Variants in ADK observed in about 807,000 individuals in gnomAD.
ADK encodes adenosine kinase, also known as N6,N6-dimethyladenosine kinase.
A neutral mutation model predicts 44.7 loss-of-function variants in ADK; 24 were observed. The observed-to-expected ratio is 0.54, with a 90% CI of 0.39 to 0.76. ADK has a LOEUF of 0.76. ADK is among the 30% of genes least tolerant of loss of function. The probability of loss-of-function intolerance (pLI) is 0.00; values close to 1 mark genes in which losing one functional copy is unlikely to be tolerated. For synonymous variants in ADK, 128 were observed against 142.6 expected, an observed-to-expected ratio of 0.90 and a Z score of 0.73; for missense variants, 321 against 425.1, an observed-to-expected ratio of 0.76 and a Z score of 2.15.
chr10:74,190,740 C>G (rs1035590404), intron 1 of ADK, among the ~76,000 whole-genome samples: 1 of 152,122 alleles, frequency 6.6e-6, no homozygotes, highest in Non-Finnish European at 1.5e-5. Flanking sequence ...TTTGAAGGAA[C>G]TCTAGCCCTG....
intron 3 of ADK, among the ~76,000 whole-genome samples, chr10:74,292,077 T>C (rs1455387979): frequency 2.0e-5 from 3 of 152,152 alleles, no homozygotes; most frequent in Non-Finnish European, 4.4e-5. Flanking sequence ...TTCTCAAATG[T>C]ATTTATTTAA....
At chr10:74,525,618 A>G (rs1207531408) in intron 7 of ADK, among the ~76,000 whole-genome samples, 192 bp downstream of exon 7, 1 of 152,038 alleles carries the variant, frequency 6.6e-6, no homozygotes, top group African/African-American at 2.4e-5. Flanking sequence ...AGTATATACT[A>G]ACTTCTTTCT....
At position 74,600,264 on chromosome 10, in the gene ADK, T is replaced by C. The variant is rs11001078; in HGVS notation, c.763-115T>C. ...GGTTAAAGAAATTTTTAATGTCTCT[T>C]AATAGATATGCAGGTCTCTTATTTT... On this transcript the variant is annotated intron_variant, in intron 8 of 10. Transcript: ENST00000539909. The C allele has an allele frequency of 0.049, 32,974 of 677,282 alleles. 1,108 individuals are homozygous for C. The highest frequency in any genetic ancestry group is 0.066 in the Non-Finnish European group (25,268 of 380,004). The allele number at this position is 677,282 out of a possible 1,614,324, so 42.0% of individuals were successfully genotyped here.
chr10:74,337,411 T>C (rs1841444077), intron 4 of ADK, among the ~76,000 whole-genome samples: 1 of 152,146 alleles, frequency 6.6e-6, no homozygotes, highest in Non-Finnish European at 1.5e-5. Flanking sequence ...CATTCAGCCA[T>C]TCAGAGGAAA....
intron 10 of ADK, among the ~76,000 whole-genome samples, chr10:74,699,888 A>G (rs1856353692): frequency 6.6e-6 from 1 of 152,160 alleles, no homozygotes; most frequent in South Asian, 2.1e-4. Flanking sequence ...ACAGTGTACT[A>G]TATTGGTGAA....
chr10:74,238,179 A>G (rs1845047418), intron 3 of ADK, among the ~76,000 whole-genome samples: 1 of 152,312 alleles, frequency 6.6e-6, no homozygotes, highest in South Asian at 2.1e-4. Context: ...CTTCTTTTTT[A>G]AGAGCAAGAA....
chr10:74,181,434 C>A (rs1365751228), intron 1 of ADK, among the ~76,000 whole-genome samples: 1 of 152,054 alleles, frequency 6.6e-6, no homozygotes, highest in Non-Finnish European at 1.5e-5. Flanking sequence ...CAACTTATAT[C>A]CTTTGTTATG....
intron 10 of ADK, among the ~76,000 whole-genome samples, chr10:74,692,651 A>G (rs1480020732): frequency 6.6e-6 from 1 of 152,202 alleles, no homozygotes; most frequent in Admixed American, 6.6e-5. Flanking sequence ...GACAGACCAC[A>G]TATATGGCAG....
chr10:74,305,541 T>G (rs947828394), intron 3 of ADK, among the ~76,000 whole-genome samples: 6 of 152,148 alleles, frequency 3.9e-5, no homozygotes, highest in Non-Finnish European at 8.8e-5. Context: ...CATCCCTGTT[T>G]GCTGGCACCT....
At chr10:74,308,324 A>G (rs1170088346) in intron 3 of ADK, among the ~76,000 whole-genome samples, 1 of 152,202 alleles carries the variant, frequency 6.6e-6, no homozygotes, top group African/African-American at 2.4e-5. Context: ...TTAAATTACA[A>G]TCCTTATGAA....
intron 9 of ADK, among the ~76,000 whole-genome samples, chr10:74,664,802 A>G (rs1854887134): frequency 6.6e-6 from 1 of 152,184 alleles, no homozygotes; most frequent in Admixed American, 6.5e-5. Context: ...GGATCGCACC[A>G]CTGCACTCCA....
chr10:74,522,272 G>T (rs148764027), intron 6 of ADK, among the ~76,000 whole-genome samples: 1 of 152,278 alleles, frequency 6.6e-6, no homozygotes, highest in Non-Finnish European at 1.5e-5. Context: ...TAAACCTAGG[G>T]TTGAAGGATG....
At position 74,680,139 on chromosome 10, in the gene ADK, C is replaced by T. The variant is rs543061402; in HGVS notation, c.964+9870C>T. Reference sequence around the variant, plus strand: ...ACCATCCTGGCTAACAAGGTGAAACCCCGTCTCTACTAAAAATACAAAAAA... The same window carrying T: ...ACCATCCTGGCTAACAAGGTGAAACTCCGTCTCTACTAAAAATACAAAAAA... On this transcript the variant is annotated intron_variant, in intron 10 of 10. Transcript: ENST00000539909. 4.1e-4 allele frequency among the ~76,000 whole-genome samples: 63 copies of T among 151,852 alleles called. No homozygotes were observed. In the South Asian group the frequency reaches 0.012, roughly 30 times the overall value.
intron 9 of ADK, among the ~76,000 whole-genome samples, chr10:74,611,179 C>CGG (rs1564818504): frequency 2.0e-5 from 3 of 152,012 alleles, no homozygotes; most frequent in African/African-American, 7.2e-5. Context: ...GCCTACCACC[C>CGG]TGCCCAGCTA....
At chr10:74,181,198 A>C (rs758578815) in intron 1 of ADK, among the ~76,000 whole-genome samples, 2 of 152,082 alleles carry the variant, frequency 1.3e-5, no homozygotes, top group Non-Finnish European at 2.9e-5. Flanking sequence ...TTCCCTTTCT[A>C]GTATAGCATT....
At chr10:74,311,724 T>C (rs940238164) in intron 3 of ADK, among the ~76,000 whole-genome samples, 2 of 152,172 alleles carry the variant, frequency 1.3e-5, no homozygotes, top group Admixed American at 1.3e-4. Flanking sequence ...AAGTATGAAG[T>C]AGTGATCAGA....
intron 6 of ADK, among the ~76,000 whole-genome samples, chr10:74,499,305 TTGA>T (rs1179052772): frequency 2.0e-5 from 3 of 152,222 alleles, no homozygotes; most frequent in African/African-American, 7.2e-5. Context: ...TGAGAAGTTG[TTGA>T]GGACAACATA....
intron 3 of ADK, among the ~76,000 whole-genome samples, chr10:74,274,212 G>A (rs1490422124): frequency 6.6e-6 from 1 of 152,120 alleles, no homozygotes; most frequent in African/African-American, 2.4e-5. Flanking sequence ...CACATATTTT[G>A]TATATGTATT....
chr10:74,571,409 A>G (rs1159328953), intron 7 of ADK, among the ~76,000 whole-genome samples: 1 of 152,240 alleles, frequency 6.6e-6, no homozygotes, highest in African/African-American at 2.4e-5. Context: ...CTGTGAATCC[A>G]TCTGGTCCTG....
Sources: allele counts gnomAD v4.1 joint callset (sites outside exome capture counted in the v4.1 genomes callset), GRCh38; gene constraint gnomAD v4.1.1; transcripts MANE v1.5; gene names NCBI Gene and HGNC (gene_info 2026-07-23, HGNC 2026-07-21).